The following ANXA8 variants were observed in gnomAD, a reference collection of about 807,000 sequenced individuals.
ANXA8 encodes the protein VAC-beta.
In ANXA8, 9 loss-of-function variants were observed where a neutral mutation model predicts 26.8. That is an observed-to-expected ratio of 0.34 (90% CI 0.20 to 0.59). ANXA8 has a LOEUF of 0.59. Among genes scored for constraint, ANXA8 ranks in the 20% least tolerant of loss-of-function variants. ANXA8 has a pLI of 0.84. For synonymous variants in ANXA8, 39 were observed against 94.8 expected, an observed-to-expected ratio of 0.41 and a Z score of 3.42; for missense variants, 83 against 238.5, an observed-to-expected ratio of 0.35 and a Z score of 4.29.
At chr10:47,762,147 A>G in the ANXA8 span, among the ~76,000 whole-genome samples, 1 of 146,514 alleles carries the variant, frequency 6.8e-6, no homozygotes, top group Non-Finnish European at 1.5e-5. Flanking sequence ...CTTCTCTAAC[A>G]CCCGCTCCCT....
At chr10:47,697,036 C>A in the ANXA8 span, among the ~76,000 whole-genome samples, 1 of 151,766 alleles carries the variant, frequency 6.6e-6, no homozygotes, top group Admixed American at 6.6e-5. Context: ...GTCCAGTTTT[C>A]TCTTCTTTAA....
chr10:47,740,979 G>A, the ANXA8 span, among the ~76,000 whole-genome samples: 1 of 151,796 alleles, frequency 6.6e-6, no homozygotes, highest in South Asian at 2.1e-4. Context: ...CAAAACGGAG[G>A]CTTCCAGTTG....
At chr10:47,968,115 A>G in the ANXA8 span, among the ~76,000 whole-genome samples, 1 of 150,868 alleles carries the variant, frequency 6.6e-6, no homozygotes, top group African/African-American at 2.4e-5. Flanking sequence ...TGTCTAAAAC[A>G]TGTCTTCTTT....
At chr10:47,772,400 C>T in the ANXA8 span, among the ~76,000 whole-genome samples, 1 of 152,272 alleles carries the variant, frequency 6.6e-6, no homozygotes, top group Admixed American at 6.5e-5. Flanking sequence ...CTCATCTTAT[C>T]AGAAAGCCTC....
the ANXA8 span, among the ~76,000 whole-genome samples, chr10:47,672,421 C>T: frequency 1.3e-5 from 2 of 151,802 alleles, no homozygotes; most frequent in Non-Finnish European, 2.9e-5. Flanking sequence ...CTTCTTATCT[C>T]CCATGAAAGT....
At chr10:47,711,227 C>T in the ANXA8 span, among the ~76,000 whole-genome samples, 1 of 144,532 alleles carries the variant, frequency 6.9e-6, no homozygotes, top group Admixed American at 6.8e-5. Flanking sequence ...TAAAATATGA[C>T]CCATGATTAC....
chr10:47,682,721 C>T, the ANXA8 span, among the ~76,000 whole-genome samples: 4 of 151,960 alleles, frequency 2.6e-5, no homozygotes, highest in African/African-American at 7.3e-5. Flanking sequence ...CTGCCCACTT[C>T]GGCCTCCCAA....
chr10:47,962,753 AAC>A, the ANXA8 span, among the ~76,000 whole-genome samples: 1 of 148,630 alleles, frequency 6.7e-6, no homozygotes, highest in African/African-American at 2.4e-5. Flanking sequence ...CACATACACA[AAC>A]ACACAGAGAC....
the ANXA8 span, among the ~76,000 whole-genome samples, chr10:47,700,071 G>C: frequency 1.3e-5 from 2 of 151,948 alleles, no homozygotes; most frequent in Admixed American, 1.3e-4. Context: ...TTATAATGAT[G>C]TCAGTTCTTC....
chr10:47,483,961 A>G lies in ANXA8; in HGVS notation c.-28T>C, dbSNP rs1239825834. The G allele has an allele frequency of 1.2e-6, 2 of 1,611,532 alleles. No individual in the cohort carries two copies. The highest frequency in any genetic ancestry group is 1.3e-5 in the African/African-American group (1 of 74,594). ...CTTTCACCTCGGGGGCACCTTTCCC[A>G]GGGAGATGAAGAGACACAGGTTGGC... On this transcript the variant is annotated 5_prime_UTR_variant, in exon 1 of 12. Coordinates refer to ENST00000585281, the MANE Select transcript of ANXA8 (RefSeq NM_001040084.3).
At chr10:47,920,080 G>C in the ANXA8 span, among the ~76,000 whole-genome samples, 3 of 19,026 alleles carry the variant, frequency 1.6e-4, no homozygotes, top group Non-Finnish European at 2.5e-4. Context: ...CTCTGGAATA[G>C]TTTATTTTGC....
At position 47,484,108 on chromosome 10, in the gene ANXA8, C is replaced by T. The variant is rs1333190844; in HGVS notation, c.-175G>A. 70 of 1,536,814 alleles carry T rather than the reference C, an allele frequency of 4.6e-5. 1 individual carries two copies. Among genetic ancestry groups the T allele is most frequent in the East Asian group, 4.4e-4 (19 of 43,668 alleles). On this transcript the variant is annotated 5_prime_UTR_variant, in exon 1 of 12. Coordinates refer to ENST00000585281, the MANE Select transcript of ANXA8 (RefSeq NM_001040084.3). ...CACCTGCCTGCCGTCCCCTCGCCCC[C>T]GGGCTCTGCCTGGCTTTGGGCATCT...
chr10:47,972,903 C>A, the ANXA8 span, among the ~76,000 whole-genome samples: 1 of 144,536 alleles, frequency 6.9e-6, no homozygotes, highest in Non-Finnish European at 1.5e-5. Flanking sequence ...CAGGGTCTAG[C>A]ATGTCATGGG....
At chr10:47,954,926 A>G in the ANXA8 span, among the ~76,000 whole-genome samples, 5 of 150,656 alleles carry the variant, frequency 3.3e-5, no homozygotes, top group African/African-American at 1.2e-4. Context: ...TGACAAGGAG[A>G]ATGGAGCCCA....
the ANXA8 span, among the ~76,000 whole-genome samples, chr10:47,594,827 T>A: frequency 6.7e-6 from 1 of 148,188 alleles, no homozygotes; most frequent in African/African-American, 2.6e-5. Flanking sequence ...AGTAACCAAC[T>A]TGGAAAACAT....
At chr10:47,680,022 C>T in the ANXA8 span, among the ~76,000 whole-genome samples, 1 of 151,408 alleles carries the variant, frequency 6.6e-6, no homozygotes, top group Non-Finnish European at 1.5e-5. Context: ...GTTGCCCACG[C>T]TGGAGTGCAA....
the ANXA8 span, among the ~76,000 whole-genome samples, chr10:47,708,495 T>C: frequency 7.0e-6 from 1 of 142,146 alleles, no homozygotes; most frequent in Non-Finnish European, 1.6e-5. Context: ...GACATAGAGG[T>C]GACAACAATA....
At chr10:47,593,690 A>G in the ANXA8 span, among the ~76,000 whole-genome samples, 1 of 149,674 alleles carries the variant, frequency 6.7e-6, no homozygotes, top group East Asian at 1.9e-4. Flanking sequence ...AATGAAGCCA[A>G]TCAATCACAT....
chr10:47,563,530 T>G, the ANXA8 span: 14 of 745,026 alleles, frequency 1.9e-5, no homozygotes, highest in Non-Finnish European at 3.1e-5. Context: ...TTTTTGAAAC[T>G]TACTGAAATT....
Sources: gnomAD v4.1 joint callset for allele counts (sites outside exome capture counted in the v4.1 genomes callset) on GRCh38, gnomAD v4.1.1 for gene constraint, MANE v1.5 for transcripts, NCBI Gene and HGNC (gene_info 2026-07-23, HGNC 2026-07-21) for gene names.